DENND6A: variants seen among roughly 807,000 people sequenced by gnomAD.
DENND6A encodes the protein DENN domain containing 6A.
In DENND6A, 43 loss-of-function variants were observed where a neutral mutation model predicts 95.5. That is an observed-to-expected ratio of 0.45 (90% confidence interval 0.35 to 0.58). The LOEUF (loss-of-function observed/expected upper bound fraction) is 0.58. DENND6A is among the 20% of genes least tolerant of loss of function. The pLI, the probability that DENND6A is intolerant of heterozygous loss-of-function variation, is 0.00. For synonymous variants in DENND6A, 257 were observed against 260.4 expected, an observed-to-expected ratio of 0.99 and a Z score of 0.13; for missense variants, 574 against 736.0, an observed-to-expected ratio of 0.78 and a Z score of 2.55.
At chr3:57,672,529 TC>T in intron 1 of DENND6A, 91 bp from the exon 2 acceptor site, 1 of 1,347,546 alleles carries the variant, frequency 7.4e-7, no homozygotes, top group Non-Finnish European at 1.0e-6. Context: ...ACGCTGGTAA[TC>T]CCAGCACTTT....
At position 57,660,743 on chromosome 3, in the gene DENND6A, G is replaced by A. The variant is rs1173163312; in HGVS notation, c.699+17C>T. 6.3e-7 allele frequency: 1 copy of A among 1,580,162 alleles called. No individual in the cohort carries two copies. Among genetic ancestry groups the A allele is most frequent in the South Asian group, 1.2e-5 (1 of 85,618 alleles). ...AAATAAAAATAAAAAGGAGACAATT[G>A]AGATATAAGATATTACCTTCATTAC... is the stretch of plus-strand genomic sequence containing the variant. On this transcript the variant is annotated intron_variant, in intron 7 of 19. Transcript: ENST00000311128.
chr3:57,690,087 G>A (rs990799351), intron 1 of DENND6A, among the ~76,000 whole-genome samples: 3 of 150,212 alleles, frequency 2.0e-5, no homozygotes, highest in East Asian at 2.0e-4. Flanking sequence ...GCTCACGCCT[G>A]TAATCCCAGC....
chr3:57,635,147 A>C (rs1160258875), intron 12 of DENND6A, among the ~76,000 whole-genome samples: 4 of 152,232 alleles, frequency 2.6e-5, no homozygotes, highest in Admixed American at 1.3e-4. Context: ...TATAAATGGA[A>C]TAGAGAGCAA....
intron 1 of DENND6A, among the ~76,000 whole-genome samples, chr3:57,686,569 GTC>G (rs1371601714): frequency 6.6e-6 from 1 of 152,072 alleles, no homozygotes; most frequent in African/African-American, 2.4e-5. Flanking sequence ...TTCACTTTGT[GTC>G]TCTGTGTTAC....
chr3:57,665,100 C>T (rs188654783), intron 4 of DENND6A, among the ~76,000 whole-genome samples: 178 of 150,880 alleles, frequency 1.2e-3, no homozygotes, highest in Non-Finnish European at 1.3e-3. Context: ...GATTAAAATA[C>T]GGCACATATA....
intron 11 of DENND6A, among the ~76,000 whole-genome samples, chr3:57,642,537 T>G: frequency 6.6e-6 from 1 of 152,118 alleles, no homozygotes; most frequent in East Asian, 1.9e-4. Flanking sequence ...ACACAGAGTT[T>G]AGCATTCCTG....
At chr3:57,658,249 G>T (rs1039035012) in intron 8 of DENND6A, among the ~76,000 whole-genome samples, 23 of 150,990 alleles carry the variant, frequency 1.5e-4, no homozygotes, top group Non-Finnish European at 1.0e-4. Flanking sequence ...AAAAAAAAAA[G>T]AATTAATCCC....
chr3:57,685,787 T>C (rs1255830621), intron 1 of DENND6A, among the ~76,000 whole-genome samples: 1 of 152,216 alleles, frequency 6.6e-6, no homozygotes, highest in African/African-American at 2.4e-5. Flanking sequence ...AGAATCATTC[T>C]ATGTTCATTC....
At chr3:57,658,532 T>C (rs141399375) in intron 8 of DENND6A, among the ~76,000 whole-genome samples, 1 of 152,112 alleles carries the variant, frequency 6.6e-6, no homozygotes, top group Non-Finnish European at 1.5e-5. Flanking sequence ...TGTCCTTGTT[T>C]AAGAAAAAAT....
intron 12 of DENND6A, 113 bp downstream of exon 12, chr3:57,641,540 C>T: frequency 1.3e-6 from 1 of 799,268 alleles, no homozygotes; most frequent in South Asian, 2.8e-5. Flanking sequence ...TACCCTTCTC[C>T]AAAGGCCTTG....
rs2077287224 is a variant in DENND6A at position 57,693,058 on chromosome 3, C to G, written c.-40G>C. On this transcript the variant is annotated 5_prime_UTR_variant, in exon 1 of 20. Coordinates refer to ENST00000311128, the MANE Select transcript of DENND6A (RefSeq NM_152678.3). ...CCGTTCGCGCCGCCTCCACAGCGGACCGCGCCGCAGAGCGCGCTTGCCTCC... is the reference window on the plus strand; with the variant it reads ...CCGTTCGCGCCGCCTCCACAGCGGAGCGCGCCGCAGAGCGCGCTTGCCTCC... 3 of 1,354,500 alleles carry G rather than the reference C, an allele frequency of 2.2e-6. No individual in the cohort carries two copies. The highest frequency in any genetic ancestry group is 1.5e-5 in the African/African-American group (1 of 65,000). 83.9% of individuals were successfully genotyped at this position (1,354,500 alleles called of 1,614,324 possible). A position where few individuals can be genotyped will look rare whatever the true frequency, so the allele number is the denominator to read the frequency against.
Position 57,663,660 on chromosome 3 carries a change from A to T in DENND6A, c.489T>A (p.Thr163=). ...YVYFRQVRDK[T]LKRGYFQKSL... is the part of the protein sequence containing the mutation. ...CCTTCTGAAAGTAGCCTCTTTTTAGAGTTTTATCTCGAACTTGTCGGAAAT... is the reference window on the plus strand; with the variant it reads ...CCTTCTGAAAGTAGCCTCTTTTTAGTGTTTTATCTCGAACTTGTCGGAAAT... Residue 163 remains threonine (T), a synonymous_variant, in exon 5 of 20, where the codon ACT becomes ACA. Coordinates refer to ENST00000311128, the MANE Select transcript of DENND6A (RefSeq NM_152678.3). The T allele has an allele frequency of 6.3e-7, 1 of 1,587,356 alleles. No individual in the cohort carries two copies.
intron 3 of DENND6A, among the ~76,000 whole-genome samples, chr3:57,671,179 G>C (rs531225255): frequency 6.6e-6 from 1 of 152,180 alleles, no homozygotes; most frequent in East Asian, 1.9e-4. Flanking sequence ...AAAAAATTTT[G>C]TTTAACTGTC....
intron 10 of DENND6A, 49 bp downstream of exon 10, chr3:57,646,267 C>A (rs758562349): frequency 1.3e-6 from 2 of 1,581,594 alleles, no homozygotes; most frequent in South Asian, 1.2e-5. Flanking sequence ...AGGTTAAGTA[C>A]TGCAGCATCC....
At chr3:57,683,897 G>C (rs925953777) in intron 1 of DENND6A, among the ~76,000 whole-genome samples, 1 of 152,120 alleles carries the variant, frequency 6.6e-6, no homozygotes, top group Non-Finnish European at 1.5e-5. Flanking sequence ...GCTCATGCCT[G>C]TAATTTCAGC....
At chr3:57,684,131 G>A (rs2077190387) in intron 1 of DENND6A, among the ~76,000 whole-genome samples, 1 of 118,846 alleles carries the variant, frequency 8.4e-6, no homozygotes, top group South Asian at 2.7e-4. Flanking sequence ...CAGCCTGGGT[G>A]ACAGAGTGAG....
chr3:57,680,080 C>T (rs4681651), intron 1 of DENND6A, among the ~76,000 whole-genome samples: 16,706 of 152,104 alleles, frequency 0.11, 1,277 homozygotes, highest in Non-Finnish European at 0.17. Flanking sequence ...ATAACTCTTA[C>T]CTAATCTCAA....
At chr3:57,665,744 G>A (rs978631578) in intron 4 of DENND6A, among the ~76,000 whole-genome samples, 6 of 151,984 alleles carry the variant, frequency 3.9e-5, no homozygotes, top group Admixed American at 3.9e-4. Context: ...ACTAAAACAA[G>A]GCTCATTCAA....
At chr3:57,663,835 G>C in intron 4 of DENND6A, 119 bp from the exon 5 acceptor site, 1 of 488,320 alleles carries the variant, frequency 2.0e-6, no homozygotes, top group Non-Finnish European at 3.5e-6. Flanking sequence ...CCCAAATCAA[G>C]ACATGAGATA....
Sources: allele counts gnomAD v4.1 joint callset (sites outside exome capture counted in the v4.1 genomes callset), GRCh38; gene constraint gnomAD v4.1.1; transcripts MANE v1.5; gene names NCBI Gene and HGNC (gene_info 2026-07-23, HGNC 2026-07-21).